The following LRRC46 variants were observed in gnomAD, a reference collection of about 807,000 sequenced individuals.
The protein encoded by LRRC46 is leucine rich repeat containing 46.
A neutral mutation model predicts 28.0 loss-of-function variants in LRRC46; 20 were observed. The ratio of observed to expected loss-of-function variants is 0.71; its 90% CI spans 0.50 to 1.04. LRRC46 has a LOEUF of 1.04. Among genes scored for constraint, LRRC46 ranks in the 50% least tolerant of loss-of-function variants. LRRC46 has a pLI of 0.00. For synonymous variants in LRRC46, 156 were observed against 158.8 expected, an observed-to-expected ratio of 0.98 and a Z score of 0.13; for missense variants, 315 against 390.1, an observed-to-expected ratio of 0.81 and a Z score of 1.62.
intron 2 of LRRC46, among the ~76,000 whole-genome samples, chr17:47,832,446 G>C (rs964068754): frequency 6.6e-6 from 1 of 152,214 alleles, no homozygotes; most frequent in Non-Finnish European, 1.5e-5. Context: ...CCACCACTTT[G>C]GGAGGCTGAG....
At position 47,837,393 on chromosome 17, in the gene LRRC46, C is replaced by T. The variant is rs2143614634; in HGVS notation, c.*273C>T. 2 of 472,766 alleles carry T rather than the reference C, an allele frequency of 4.2e-6. No individual in the cohort carries two copies. The highest frequency in any genetic ancestry group is 3.7e-6 in the Non-Finnish European group (1 of 271,930). 29.3% of individuals were successfully genotyped at this position (472,766 alleles called of 1,614,324 possible). ...GCATGCCTCAGGCCCCCGCTGGCTT[C>T]CTGGCTCCCACTTGGGCAGGAAGCG... On this transcript the variant is annotated 3_prime_UTR_variant, in exon 8 of 8. Coordinates refer to ENST00000269025, the MANE Select transcript of LRRC46 (RefSeq NM_033413.4).
chr17:47,837,472 C>G lies in LRRC46; in HGVS notation c.*352C>G, dbSNP rs1259000263. 1 of 402,386 alleles carries G rather than the reference C, an allele frequency of 2.5e-6. No homozygotes were observed. Among genetic ancestry groups the G allele is most frequent in the East Asian group, 5.7e-5 (1 of 17,504 alleles). 24.9% of individuals were successfully genotyped at this position (402,386 alleles called of 1,614,324 possible). On this transcript the variant is annotated 3_prime_UTR_variant, in exon 8 of 8. Transcript: ENST00000269025. Reference sequence around the variant, plus strand: ...TCTCACTGCCACCCCTAGCGAGTGCCCTTCCCCGGTCCAAGCCAAGGACCA... The same window carrying G: ...TCTCACTGCCACCCCTAGCGAGTGCGCTTCCCCGGTCCAAGCCAAGGACCA...
At chr17:47,832,607 GGT>G (rs1275034401) in intron 2 of LRRC46, among the ~76,000 whole-genome samples, 1 of 152,224 alleles carries the variant, frequency 6.6e-6, no homozygotes, top group Non-Finnish European at 1.5e-5. Flanking sequence ...CTTGAACCCA[GGT>G]ACCTGTGGCT....
rs775083143 is a variant in LRRC46 at position 47,831,974 on chromosome 17, C to A, written c.-16C>A. On this transcript the variant is annotated 5_prime_UTR_variant, in exon 1 of 8. Coordinates refer to ENST00000269025, the MANE Select transcript of LRRC46 (RefSeq NM_033413.4). ...TTCCTCTCCCGCCTCAGACCAGCAG[C>A]CTTTTATTTTAGATCATGTCTGGAG... is the stretch of plus-strand genomic sequence containing the variant. 1.2e-6 allele frequency: 2 copies of A among 1,613,206 alleles called. No individual in the cohort carries two copies. Among genetic ancestry groups the A allele is most frequent in the African/African-American group, 1.3e-5 (1 of 74,874 alleles).
In LRRC46 at chr17:47,837,661, C is replaced by T; in HGVS notation, c.*541C>T. 1.3e-6 allele frequency: 1 copy of T among 778,686 alleles called. No individual in the cohort carries two copies. The highest frequency in any genetic ancestry group is 1.9e-6 in the Non-Finnish European group (1 of 523,238). The allele number at this position is 778,686 out of a possible 1,614,324, so 48.2% of individuals were successfully genotyped here. Reference sequence around the variant, plus strand: ...TGGGCCTCACTTGGCTCTCCCACCCCCACTGGTCCTGGGATAAAGTTCACT... The same window carrying T: ...TGGGCCTCACTTGGCTCTCCCACCCTCACTGGTCCTGGGATAAAGTTCACT... On this transcript the variant is annotated 3_prime_UTR_variant, in exon 8 of 8. Transcript: ENST00000269025.
Position 47,836,606 on chromosome 17 carries a change from C to A in LRRC46, c.595+131C>A. The A allele has an allele frequency of 2.0e-6, 3 of 1,489,362 alleles. No individual in the cohort carries two copies. The highest frequency in any genetic ancestry group is 1.3e-5 in the South Asian group (1 of 76,292). 92.3% of individuals were successfully genotyped at this position (1,489,362 alleles called of 1,614,324 possible). A position where few individuals can be genotyped will look rare whatever the true frequency, so the allele number is the denominator to read the frequency against. ...GTTCAGATCAACATCTGGGCCAGAG[C>A]CAGGTGTCAGTCCTGGGCCCCAGCC... On this transcript the variant is annotated intron_variant, in intron 7 of 7. Coordinates refer to ENST00000269025, the MANE Select transcript of LRRC46 (RefSeq NM_033413.4). The surrounding 1 kb of genome is among the most constrained non-coding windows in gnomAD (Gnocchi z 5.8).
Position 47,836,931 on chromosome 17 carries a change from G to A in LRRC46, c.777G>A (p.Glu259=). The A allele has an allele frequency of 6.2e-7, 1 of 1,613,782 alleles. No individual in the cohort carries two copies. The highest frequency in any genetic ancestry group is 1.1e-5 in the South Asian group (1 of 91,058). ...SPSATPAQGE[E]TVPEAVSSPQ... is the part of the protein sequence containing the mutation. Reference sequence around the variant, plus strand: ...CTGCCACTCCTGCGCAAGGGGAGGAGACAGTCCCTGAGGCCGTCTCCTCAC... The same window carrying A: ...CTGCCACTCCTGCGCAAGGGGAGGAAACAGTCCCTGAGGCCGTCTCCTCAC... The change falls in exon 8 of 8, where the codon GAG becomes GAA. Residue 259 remains glutamate (E), a synonymous_variant. Coordinates refer to ENST00000269025, the MANE Select transcript of LRRC46 (RefSeq NM_033413.4). This position sits in a 1 kb window ranked among gnomAD's most constrained non-coding sequence, Gnocchi z 5.8.
At chr17:47,835,577 C>A in intron 4 of LRRC46, 89 bp from the exon 5 acceptor site, 1 of 1,446,516 alleles carries the variant, frequency 6.9e-7, no homozygotes, top group South Asian at 1.2e-5. Flanking sequence ...GCTGCCTAGC[C>A]CAGGGGCCCC....
Position 47,836,268 on chromosome 17 carries a change from C to A in LRRC46, c.453-65C>A. 1 of 1,601,162 alleles carries A rather than the reference C, an allele frequency of 6.2e-7. No individual in the cohort carries two copies. Among genetic ancestry groups the A allele is most frequent in the Non-Finnish European group, 8.5e-7 (1 of 1,172,544 alleles). On this transcript the variant is annotated intron_variant, in intron 6 of 7. Transcript: ENST00000269025. This position sits in a 1 kb window ranked among gnomAD's most constrained non-coding sequence, Gnocchi z 5.8. ...CCCTCCGGGTGTGAGTGCTGTGGTG[C>A]GTGTCTTTGCATCCTCCACGCCAGG...
At position 47,834,415 on chromosome 17, in the gene LRRC46, C is replaced by T; in HGVS notation, c.117-10C>T. ...TGCTCTAACACCACCCTTACTGACT[C>T]TTTTCCCAGGTTTCACACTCTTGAT... On this transcript the variant is annotated splice_polypyrimidine_tract_variant and intron_variant, in intron 2 of 7. Coordinates refer to ENST00000269025, the MANE Select transcript of LRRC46 (RefSeq NM_033413.4). 6.2e-7 allele frequency: 1 copy of T among 1,601,698 alleles called. No individual in the cohort carries two copies. Among genetic ancestry groups the T allele is most frequent in the Non-Finnish European group, 8.5e-7 (1 of 1,170,038 alleles).
chr17:47,835,810 T>C (rs2033687572), intron 5 of LRRC46, 35 bp downstream of exon 5: 1 of 1,569,210 alleles, frequency 6.4e-7, no homozygotes, highest in South Asian at 1.1e-5. Context: ...ACCAAACACA[T>C]CCCCTGTGGG....
chr17:47,833,106 T>C (rs1204764666), intron 2 of LRRC46, among the ~76,000 whole-genome samples: 2 of 152,166 alleles, frequency 1.3e-5, no homozygotes, highest in Non-Finnish European at 2.9e-5. Flanking sequence ...CATGGGCATA[T>C]TGGAGTTTCG....
chr17:47,835,019 T>C (rs1242201570), intron 3 of LRRC46: 1 of 315,278 alleles, frequency 3.2e-6, no homozygotes, highest in African/African-American at 2.2e-5. Context: ...TTGTTCTCTC[T>C]GTGTATGCAA....
rs374213946 is a variant in LRRC46 at position 47,837,041 on chromosome 17, G to A, written c.887G>A (p.Arg296Gln). The change falls in exon 8 of 8, where the codon CGA becomes CAA. Residue 296 changes from arginine (R) to glutamine (Q), a missense_variant. By Grantham distance (43) the Arg-to-Gln change is conservative. Coordinates refer to ENST00000269025, the MANE Select transcript of LRRC46 (RefSeq NM_033413.4). Reference protein sequence around the residue: ...QSSFWGRKGARAATAPKASVA... With the variant: ...QSSFWGRKGAQAATAPKASVA... ...TCTTTCTGGGGAAGGAAGGGGGCAC[G>A]AGCAGCCACAGCCCCCAAGGCCTCT... 1.4e-5 allele frequency: 23 copies of A among 1,610,144 alleles called. No individual in the cohort carries two copies. The highest frequency in any genetic ancestry group is 9.4e-5 in the African/African-American group (7 of 74,510).
Position 47,835,334 on chromosome 17 carries a change from C to T in LRRC46, c.226-19C>T, listed in dbSNP as rs756744435. The T allele has an allele frequency of 1.2e-6, 2 of 1,614,164 alleles. No homozygotes were observed. Among genetic ancestry groups the T allele is most frequent in the East Asian group, 2.2e-5 (1 of 44,882 alleles). ...ATCTGATCTCAGCTTGGTTTCCCCACTTCGGTTTCTTCTTGCAGAATAAGA... is the reference window on the plus strand; with the variant it reads ...ATCTGATCTCAGCTTGGTTTCCCCATTTCGGTTTCTTCTTGCAGAATAAGA... On this transcript the variant is annotated intron_variant, in intron 3 of 7. Coordinates refer to ENST00000269025, the MANE Select transcript of LRRC46 (RefSeq NM_033413.4).
At position 47,836,460 on chromosome 17, in the gene LRRC46, T is replaced by C. The variant is rs1256599127; in HGVS notation, c.580T>C (p.Phe194Leu). ...GGAGTTCCCAGAGCTGAGTGGCCCA[T>C]TCTGCTCAGAACGAGGTGACCCTGC... ...DEEFPELSGPFCSERGFLKEL... is the reference protein window; with the variant it reads ...DEEFPELSGPLCSERGFLKEL... The change falls in exon 7 of 8, where the codon TTC (phenylalanine) becomes CTC (leucine). Residue 194 changes from phenylalanine to leucine, a missense_variant. Coordinates refer to ENST00000269025, the MANE Select transcript of LRRC46 (RefSeq NM_033413.4). This position sits in a 1 kb window ranked among gnomAD's most constrained non-coding sequence, Gnocchi z 5.8. 3.7e-6 allele frequency: 6 copies of C among 1,613,944 alleles called. No individual in the cohort carries two copies. Among genetic ancestry groups the C allele is most frequent in the Non-Finnish European group, 4.2e-6 (5 of 1,179,992 alleles).
chr17:47,832,027 G>C (rs1306657926), intron 1 of LRRC46, 28 bp downstream of exon 1: 3 of 1,613,920 alleles, frequency 1.9e-6, no homozygotes, highest in Non-Finnish European at 2.5e-6. Context: ...ACGGTGGGTA[G>C]AGCAGTTGGA....
intron 2 of LRRC46, chr17:47,833,976 G>A: frequency 1.0e-6 from 1 of 986,246 alleles, no homozygotes; most frequent in Non-Finnish European, 1.2e-6. Context: ...TAGGCACTCA[G>A]CAATGTTGTG....
At chr17:47,835,520 G>C in intron 4 of LRRC46, 121 bp downstream of exon 4, 1 of 1,406,476 alleles carries the variant, frequency 7.1e-7, no homozygotes, top group Admixed American at 1.8e-5. Flanking sequence ...AGCAAGCCTA[G>C]ATCTACTCCC....
Sources: gnomAD v4.1 joint callset for allele counts (sites outside exome capture counted in the v4.1 genomes callset) on GRCh38, gnomAD v4.1.1 for gene constraint, Gnocchi (gnomAD v3.1) non-coding constraint, MANE v1.5 for transcripts, NCBI Gene and HGNC (gene_info 2026-07-23, HGNC 2026-07-21) for gene names.